TENM3: variants seen among roughly 807,000 people sequenced by gnomAD.
TENM3 encodes teneurin transmembrane protein 3.
In TENM3, 63 loss-of-function variants were observed where a neutral mutation model predicts 255.1. That is an observed-to-expected ratio of 0.25 (90% CI 0.20 to 0.30). The LOEUF is 0.30. TENM3 is among the 10% of genes least tolerant of loss of function. The pLI is 1.00. For missense variants in TENM3, 2,929 were observed against 3,461.1 expected (o/e 0.85, Z 3.86); for synonymous variants, 1,306 against 1,322.3 (o/e 0.99, Z 0.27).
intron 1 of TENM3, among the ~76,000 whole-genome samples, chr4:182,197,784 C>A (rs1044512795): frequency 1.8e-4 from 28 of 152,300 alleles, no homozygotes; most frequent in African/African-American, 6.3e-4. Context: ...GGTTTGTCAA[C>A]CCTGTTCTCC....
At chr4:182,328,961 G>A (rs139027082) in intron 2 of TENM3, among the ~76,000 whole-genome samples, 19 of 152,278 alleles carry the variant, frequency 1.2e-4, no homozygotes, top group African/African-American at 4.6e-4. Context: ...CATCTTGTAT[G>A]CAAACATTCC....
intron 4 of TENM3, among the ~76,000 whole-genome samples, chr4:182,623,727 A>T (rs4458491): frequency 2.6e-5 from 4 of 151,958 alleles, no homozygotes; most frequent in Non-Finnish European, 5.9e-5. Flanking sequence ...TGAGCACAGC[A>T]GGGAGCTTCT....
chr4:182,300,334 G>T (rs1240404424), intron 1 of TENM3, among the ~76,000 whole-genome samples: 1 of 152,198 alleles, frequency 6.6e-6, no homozygotes, highest in Non-Finnish European at 1.5e-5. Context: ...AACCTCTGCT[G>T]AACATGACAA....
At chr4:182,728,638 T>C (rs972254890) in intron 13 of TENM3, among the ~76,000 whole-genome samples, 3 of 152,168 alleles carry the variant, frequency 2.0e-5, no homozygotes, top group Non-Finnish European at 4.4e-5. Flanking sequence ...AGGCTACCCA[T>C]CTGTACAGCA....
the TENM3 span, among the ~76,000 whole-genome samples, chr4:181,448,681 TC>T: frequency 6.6e-6 from 1 of 152,220 alleles, no homozygotes; most frequent in African/African-American, 2.4e-5. Flanking sequence ...CAAATTCTAT[TC>T]ATCTGCATAA....
chr4:182,527,785 C>T (rs1367825728), intron 3 of TENM3, among the ~76,000 whole-genome samples: 2 of 151,934 alleles, frequency 1.3e-5, no homozygotes, highest in African/African-American at 4.8e-5. Context: ...TGGAGTACAG[C>T]GGCACAATCT....
intron 3 of TENM3, among the ~76,000 whole-genome samples, chr4:182,353,782 A>G (rs1021749801): frequency 6.6e-6 from 1 of 152,174 alleles, no homozygotes; most frequent in Non-Finnish European, 1.5e-5. Context: ...CCTGGCCAAC[A>G]TGGTGAAACC....
intron 3 of TENM3, among the ~76,000 whole-genome samples, chr4:182,582,773 T>G (rs1745627086): frequency 6.6e-6 from 1 of 152,184 alleles, no homozygotes; most frequent in African/African-American, 2.4e-5. Context: ...AGAGAATGTT[T>G]TTAAAATGAA....
At chr4:181,491,840 C>T in the TENM3 span, among the ~76,000 whole-genome samples, 1 of 152,086 alleles carries the variant, frequency 6.6e-6, no homozygotes, top group South Asian at 2.1e-4. Flanking sequence ...AATCACCTCG[C>T]TTAATGTATT....
At chr4:182,679,966 A>G (rs2152564672) in intron 8 of TENM3, 90 bp downstream of exon 8, 1 of 1,175,082 alleles carries the variant, frequency 8.5e-7, no homozygotes, top group Middle Eastern at 2.3e-4. Context: ...AATTTGGGGT[A>G]ATTCCTAGGG....
chr4:181,701,868 G>T, the TENM3 span, among the ~76,000 whole-genome samples: 1 of 152,156 alleles, frequency 6.6e-6, no homozygotes, highest in Admixed American at 6.5e-5. Context: ...CCCATGTAAA[G>T]CAAGTAATGC....
At chr4:181,828,486 T>G in the TENM3 span, among the ~76,000 whole-genome samples, 13 of 152,260 alleles carry the variant, frequency 8.5e-5, no homozygotes, top group Non-Finnish European at 1.6e-4. Context: ...ATTCGATCAA[T>G]GCTGAGATTA....
the TENM3 span, among the ~76,000 whole-genome samples, chr4:181,615,058 T>C: frequency 6.6e-6 from 1 of 152,204 alleles, no homozygotes; most frequent in Non-Finnish European, 1.5e-5. Context: ...TGCTGCTGAA[T>C]GTCTAGGTTC....
At chr4:182,020,491 G>T in the TENM3 span, among the ~76,000 whole-genome samples, 1 of 152,144 alleles carries the variant, frequency 6.6e-6, no homozygotes. Flanking sequence ...CTATAGCTCT[G>T]TAGGATGACT....
intron 3 of TENM3, among the ~76,000 whole-genome samples, chr4:182,359,510 G>A (rs1256547337): frequency 1.3e-5 from 2 of 150,892 alleles, no homozygotes; most frequent in East Asian, 1.9e-4. Flanking sequence ...TTTGCGTAGA[G>A]GTGTTTGTAG....
chr4:181,936,994 A>G, the TENM3 span, among the ~76,000 whole-genome samples: 3 of 152,252 alleles, frequency 2.0e-5, no homozygotes, highest in African/African-American at 7.2e-5. Flanking sequence ...TAAAGAGGTA[A>G]CAAGTGGGGA....
chr4:182,595,542 A>G (rs1198018141), intron 3 of TENM3, among the ~76,000 whole-genome samples: 3 of 152,328 alleles, frequency 2.0e-5, no homozygotes, highest in Non-Finnish European at 4.4e-5. Context: ...TTTAAAAAAC[A>G]TCTGATATTA....
intron 1 of TENM3, among the ~76,000 whole-genome samples, chr4:182,304,487 C>G (rs1392406305): frequency 6.6e-6 from 1 of 152,294 alleles, no homozygotes; most frequent in South Asian, 2.1e-4. Context: ...AATGGGATTA[C>G]AGGCATGAGC....
At chr4:182,144,223 C>CGG (rs1196523212), upstream of TENM3, 4 of 152,014 alleles carry the variant, frequency 2.6e-5, no homozygotes, top group African/African-American at 4.9e-5. Flanking sequence ...CACACACACA[C>CGG]ACACGGACAC....
Sources: allele counts gnomAD v4.1 joint callset (sites outside exome capture counted in the v4.1 genomes callset), GRCh38; gene constraint gnomAD v4.1.1; transcripts MANE v1.5; gene names NCBI Gene and HGNC (gene_info 2026-07-23, HGNC 2026-07-21).